CDH20: variants seen among roughly 807,000 people sequenced by gnomAD.
CDH20 encodes the protein cadherin 20.
Under a neutral mutation model 74.2 loss-of-function variants are expected in CDH20, and 29 were observed. The ratio of observed to expected loss-of-function variants is 0.39; its 90% confidence interval spans 0.29 to 0.53. CDH20 has a LOEUF of 0.53. CDH20 is among the 20% of genes least tolerant of loss of function. The pLI is 0.69. For synonymous variants in CDH20, 469 were observed against 405.4 expected, an observed-to-expected ratio of 1.16 and a Z score of -1.88; for missense variants, 988 against 1,048.3, an observed-to-expected ratio of 0.94 and a Z score of 0.79.
At chr18:61,516,781 T>C (rs1325226334) in intron 6 of CDH20, among the ~76,000 whole-genome samples, 1 of 152,106 alleles carries the variant, frequency 6.6e-6, no homozygotes, top group African/African-American at 2.4e-5. Flanking sequence ...CTTCTTAGGA[T>C]GGAGGTGGGA....
intron 1 of CDH20, among the ~76,000 whole-genome samples, chr18:61,412,091 G>T (rs1912531793): frequency 6.6e-6 from 1 of 151,594 alleles, no homozygotes; most frequent in African/African-American, 2.4e-5. Flanking sequence ...AAAATTAAAA[G>T]ATACATGATG....
chr18:61,458,496 T>C (rs1909657000), intron 1 of CDH20, among the ~76,000 whole-genome samples: 1 of 152,146 alleles, frequency 6.6e-6, no homozygotes. Context: ...GCCAAGCAGC[T>C]GGGTCTGAGT....
At chr18:61,365,547 T>A (rs964065564) in intron 1 of CDH20, among the ~76,000 whole-genome samples, 10 of 152,200 alleles carry the variant, frequency 6.6e-5, no homozygotes, top group Non-Finnish European at 1.2e-4. Context: ...GGAGTTTTAA[T>A]CAAAGGTTTT....
chr18:61,364,644 G>A (rs528069410), intron 1 of CDH20, among the ~76,000 whole-genome samples: 6 of 117,290 alleles, frequency 5.1e-5, no homozygotes, highest in Admixed American at 4.7e-4. Context: ...GAGAGAGGTG[G>A]TTATTACCAA....
chr18:61,514,563 G>A (rs1184124528), intron 6 of CDH20, among the ~76,000 whole-genome samples: 1 of 151,628 alleles, frequency 6.6e-6, no homozygotes, highest in South Asian at 2.1e-4. Flanking sequence ...TCCTTTGGAG[G>A]AGGAGAGGCG....
chr18:61,343,369 GATATGATCCACTAT>G (rs1250052870), intron 1 of CDH20, among the ~76,000 whole-genome samples: 2 of 152,182 alleles, frequency 1.3e-5, no homozygotes, highest in Admixed American at 1.3e-4. Context: ...CAAAAAGGCT[GATATGATCCACTAT>G]ATATGACTAG....
intron 1 of CDH20, among the ~76,000 whole-genome samples, chr18:61,439,787 A>G (rs1248758039): frequency 6.6e-6 from 1 of 152,186 alleles, no homozygotes; most frequent in African/African-American, 2.4e-5. Context: ...AAACCAAGAG[A>G]AAAAACATCA....
chr18:61,489,112 GCTA>G (rs1329882455), intron 1 of CDH20, among the ~76,000 whole-genome samples: 2 of 152,176 alleles, frequency 1.3e-5, no homozygotes, highest in Non-Finnish European at 2.9e-5. Flanking sequence ...AGTCTCCTCA[GCTA>G]CTTTCTCTAT....
At chr18:61,445,704 AAT>A (rs1909177420) in intron 1 of CDH20, among the ~76,000 whole-genome samples, 1 of 152,176 alleles carries the variant, frequency 6.6e-6, no homozygotes, top group Admixed American at 6.5e-5. Flanking sequence ...ACCCTATTCC[AAT>A]TTTCTATTGC....
intron 1 of CDH20, among the ~76,000 whole-genome samples, chr18:61,367,618 C>G (rs546417577): frequency 3.9e-5 from 6 of 152,244 alleles, no homozygotes; most frequent in African/African-American, 1.2e-4. Context: ...TCTACAATGG[C>G]CAGTCAAGTC....
In CDH20 at chr18:61,503,732, A is replaced by G. The variant is rs142262655; in HGVS notation, c.829+612A>G. Reference sequence around the variant, plus strand: ...CTTGGGAGGACACATCCTACACACAAGAAAAATTAAACCGTAGTAGCATTT... The same window carrying G: ...CTTGGGAGGACACATCCTACACACAGGAAAAATTAAACCGTAGTAGCATTT... On this transcript the variant is annotated intron_variant, in intron 5 of 11. Transcript: ENST00000262717. 3.7e-3 allele frequency among the ~76,000 whole-genome samples: 560 copies of G among 152,344 alleles called. 3 individuals are homozygous for G. Among genetic ancestry groups the G allele is most frequent in the African/African-American group, 0.013 (524 of 41,582 alleles).
At chr18:61,528,930 G>C (rs1453078452) in intron 7 of CDH20, among the ~76,000 whole-genome samples, 1 of 152,156 alleles carries the variant, frequency 6.6e-6, no homozygotes. Context: ...TCAATGCCTT[G>C]TAGACTGGCC....
At chr18:61,448,019 T>C (rs189757284) in intron 1 of CDH20, among the ~76,000 whole-genome samples, 2 of 152,262 alleles carry the variant, frequency 1.3e-5, no homozygotes, top group African/African-American at 4.8e-5. Context: ...ACCACTTAAC[T>C]AGCTATATAA....
chr18:61,538,912 G>A lies in CDH20; in HGVS notation c.1409-112G>A, dbSNP rs148010354. Reference sequence around the variant, plus strand: ...CTCCCAAAGTGCTGGGATTACAGGCGTGAGCCACTGCGCCCAGTCGTAAAT... The same window carrying A: ...CTCCCAAAGTGCTGGGATTACAGGCATGAGCCACTGCGCCCAGTCGTAAAT... On this transcript the variant is annotated intron_variant, in intron 8 of 11. Coordinates refer to ENST00000262717, the MANE Select transcript of CDH20 (RefSeq NM_031891.4). The A allele has an allele frequency of 2.5e-3, 3,071 of 1,214,660 alleles. 51 individuals are homozygous for A. In the African/African-American group the frequency reaches 0.039, roughly 15 times the overall value. 75.2% of individuals were successfully genotyped at this position (1,214,660 alleles called of 1,614,324 possible).
At chr18:61,484,618 G>A (rs1435720481) in intron 1 of CDH20, among the ~76,000 whole-genome samples, 2 of 152,110 alleles carry the variant, frequency 1.3e-5, no homozygotes, top group Admixed American at 6.6e-5. Context: ...CATAGCTAGA[G>A]GGTCAGCATG....
At chr18:61,345,757 A>G (rs1371368202) in intron 1 of CDH20, among the ~76,000 whole-genome samples, 2 of 152,178 alleles carry the variant, frequency 1.3e-5, no homozygotes, top group Admixed American at 6.5e-5. Context: ...CATGGGAAAC[A>G]TCTCTGAGAA....
chr18:61,388,469 T>C (rs1195971039), intron 1 of CDH20, among the ~76,000 whole-genome samples: 4 of 152,190 alleles, frequency 2.6e-5, no homozygotes, highest in Non-Finnish European at 5.9e-5. Context: ...GCATGCCTCA[T>C]CTGTCTCAAT....
intron 1 of CDH20, among the ~76,000 whole-genome samples, chr18:61,351,302 C>G (rs564192707): frequency 3.9e-4 from 59 of 152,258 alleles, no homozygotes; most frequent in Middle Eastern, 6.8e-3. Context: ...TCCCCCCATC[C>G]TCTGGTAAGC....
chr18:61,457,965 A>G (rs941368728), intron 1 of CDH20, among the ~76,000 whole-genome samples: 21 of 152,316 alleles, frequency 1.4e-4, no homozygotes, highest in African/African-American at 4.3e-4. Flanking sequence ...TTTTATGAGT[A>G]AAGGAGCTAG....
Sources: gnomAD v4.1 joint callset for allele counts (sites outside exome capture counted in the v4.1 genomes callset) on GRCh38, gnomAD v4.1.1 for gene constraint, MANE v1.5 for transcripts, NCBI Gene and HGNC (gene_info 2026-07-23, HGNC 2026-07-21) for gene names.